The following COL22A1 variants were observed in gnomAD, a reference collection of about 807,000 sequenced individuals.
COL22A1 encodes the protein collagen type XXII alpha 1 chain.
In COL22A1, 221 loss-of-function variants were observed where a neutral mutation model predicts 248.9. That is an observed-to-expected ratio of 0.89 (90% CI 0.80 to 0.99). The LOEUF is 0.99. Ranked by LOEUF, COL22A1 falls within the 50% of genes least tolerant of loss-of-function variation. COL22A1 has a pLI of 0.00. For missense variants in COL22A1, 2,240 were observed against 2,179.0 expected (o/e 1.03, Z -0.56); for synonymous variants, 891 against 793.4 (o/e 1.12, Z -2.07).
intron 41 of COL22A1, among the ~76,000 whole-genome samples, chr8:138,674,366 C>T (rs1322673467): frequency 6.6e-6 from 1 of 151,956 alleles, no homozygotes. Flanking sequence ...CCTCCACACA[C>T]CTTTGCTTAG....
chr8:138,724,879 T>TCCTTC (rs1010763612), intron 24 of COL22A1, among the ~76,000 whole-genome samples: 39 of 152,176 alleles, frequency 2.6e-4, no homozygotes, highest in African/African-American at 8.9e-4. Context: ...AGTCGGGGCG[T>TCCTTC]CCTTCCTATC....
At chr8:138,660,869 C>T (rs62527896) in intron 43 of COL22A1, among the ~76,000 whole-genome samples, 90,692 of 133,568 alleles carry the variant, frequency 0.68, 32,177 homozygotes, top group Non-Finnish European at 0.81. Flanking sequence ...GACACACAAA[C>T]ACACAGACAC....
At chr8:138,827,518 G>A (rs920665944) in intron 5 of COL22A1, among the ~76,000 whole-genome samples, 13 of 151,766 alleles carry the variant, frequency 8.6e-5, no homozygotes, top group African/African-American at 2.4e-4. Context: ...TTGTCATGGC[G>A]GCCAGAATAG....
chr8:138,686,578 G>A (rs1473831483), intron 37 of COL22A1, among the ~76,000 whole-genome samples: 1 of 152,236 alleles, frequency 6.6e-6, no homozygotes, highest in Non-Finnish European at 1.5e-5. Flanking sequence ...GAAAAAGTAT[G>A]CTGTGATGTC....
intron 6 of COL22A1, among the ~76,000 whole-genome samples, chr8:138,825,404 G>A (rs1819502340): frequency 1.3e-5 from 2 of 152,172 alleles, no homozygotes; most frequent in African/African-American, 4.8e-5. Context: ...CTGAATGACT[G>A]GGTTCAAATC....
intron 52 of COL22A1, among the ~76,000 whole-genome samples, chr8:138,622,630 C>T (rs116049430): frequency 0.015 from 2,237 of 152,206 alleles, 54 homozygotes; most frequent in African/African-American, 0.05. Flanking sequence ...TACTTTTATG[C>T]GGGTTTTATG....
At chr8:138,752,170 TG>T (rs2131345865) in intron 21 of COL22A1, among the ~76,000 whole-genome samples, 2 of 152,280 alleles carry the variant, frequency 1.3e-5, no homozygotes, top group South Asian at 2.1e-4. Flanking sequence ...GTTCTAAAGC[TG>T]GGGCACAGCA....
chr8:138,831,356 T>G (rs2131814088), intron 5 of COL22A1, among the ~76,000 whole-genome samples: 1 of 152,286 alleles, frequency 6.6e-6, no homozygotes, highest in South Asian at 2.1e-4. Context: ...TGGGCAGGGC[T>G]TAGTTGGGTG....
intron 8 of COL22A1, 69 bp from the exon 9 acceptor site, chr8:138,811,990 G>T: frequency 6.8e-7 from 1 of 1,464,050 alleles, no homozygotes; most frequent in African/African-American, 1.4e-5. Context: ...CAGAAGCACA[G>T]TGTCGGGTGC....
At chr8:138,657,893 T>C (rs571292289) in intron 44 of COL22A1, among the ~76,000 whole-genome samples, 1 of 152,322 alleles carries the variant, frequency 6.6e-6, no homozygotes, top group Admixed American at 6.5e-5. Context: ...GGTGGTTCCA[T>C]TCACACTCCA....
At chr8:138,670,111 C>A (rs1260966380) in intron 41 of COL22A1, among the ~76,000 whole-genome samples, 1 of 152,006 alleles carries the variant, frequency 6.6e-6, no homozygotes, top group Non-Finnish European at 1.5e-5. Flanking sequence ...GGTCTTGAAC[C>A]CCTGACCTCA....
chr8:138,720,591 C>T, intron 27 of COL22A1, 148 bp downstream of exon 27: 1 of 713,478 alleles, frequency 1.4e-6, no homozygotes, highest in Non-Finnish European at 2.5e-6. Context: ...AGCCCTTAAC[C>T]CTGCCCCTTT....
chr8:138,597,019 C>T (rs773282831), intron 61 of COL22A1, 49 bp from the exon 62 acceptor site: 270 of 1,522,806 alleles, frequency 1.8e-4, no homozygotes, highest in Non-Finnish European at 2.3e-4. Flanking sequence ...TAACTTCTGC[C>T]ACCTAAGAAC....
intron 49 of COL22A1, 126 bp downstream of exon 49, chr8:138,634,884 C>A (rs1462263757): frequency 1.4e-6 from 1 of 736,658 alleles, no homozygotes; most frequent in Non-Finnish European, 2.3e-6. Context: ...AACTCTGTCA[C>A]CTTTTGGGTG....
intron 35 of COL22A1, among the ~76,000 whole-genome samples, chr8:138,692,257 CGT>C (rs1215894372): frequency 1.9e-4 from 2 of 10,656 alleles, no homozygotes; most frequent in Non-Finnish European, 4.0e-4. Context: ...CGTATGTGTG[CGT>C]GTGTGCATGT....
intron 50 of COL22A1, among the ~76,000 whole-genome samples, chr8:138,627,222 G>C (rs1004583863): frequency 3.3e-5 from 5 of 152,164 alleles, no homozygotes; most frequent in African/African-American, 1.2e-4. Context: ...TTTAGTTATT[G>C]ATAATGGAGC....
At position 138,884,397 on chromosome 8, in the gene COL22A1, C is replaced by T. The variant is rs565312308; in HGVS notation, c.-72-1153G>A. On this transcript the variant is annotated intron_variant, in intron 1 of 64. Transcript: ENST00000303045. ...AAGTACCTATGAAGGAAAGAACTAA[C>T]GAAGAATTCTTCAAGGGATTCCTGA... Among the ~76,000 whole-genome samples the T allele has an allele frequency of 1.2e-4, 19 of 152,272 alleles. No homozygotes were observed. In the South Asian group the frequency reaches 1.7e-3, roughly 13 times the overall value.
rs114060321 is a variant in COL22A1, at chr8:138,603,944, A to G, written c.4140+790T>C. Among the ~76,000 whole-genome samples, 941 of 152,268 alleles carry G rather than the reference A, an allele frequency of 6.2e-3. 12 individuals carry two copies. The highest frequency in any genetic ancestry group is 0.022 in the African/African-American group (906 of 41,552). On this transcript the variant is annotated intron_variant, in intron 59 of 64. Transcript: ENST00000303045. ...TCAGTCATTCTTCTGTTCATCTCTC[A>G]TCAAATATTTTTGGTATCTAGTCTG...
At chr8:138,698,631 C>A (rs1382379185) in intron 32 of COL22A1, among the ~76,000 whole-genome samples, 1 of 152,062 alleles carries the variant, frequency 6.6e-6, no homozygotes, top group African/African-American at 2.4e-5. Flanking sequence ...GCAGTGAGTG[C>A]TGCCCTGCAG....
Sources: allele counts gnomAD v4.1 joint callset (sites outside exome capture counted in the v4.1 genomes callset), GRCh38; gene constraint gnomAD v4.1.1; transcripts MANE v1.5; gene names NCBI Gene and HGNC (gene_info 2026-07-23, HGNC 2026-07-21).